Variants in SPECC1 observed in about 807,000 individuals in gnomAD.
SPECC1 encodes the protein cytospin-B.
Under a neutral mutation model 104.1 loss-of-function variants are expected in SPECC1, and 62 were observed. The observed-to-expected ratio is 0.60, with a 90% CI of 0.49 to 0.74. The LOEUF is 0.74. Ranked by LOEUF, SPECC1 falls within the 30% of genes least tolerant of loss-of-function variation. The probability of loss-of-function intolerance (pLI) is 0.00; values close to 1 mark genes in which losing one functional copy is unlikely to be tolerated. For synonymous variants in SPECC1, 513 were observed against 501.6 expected (o/e 1.02, Z -0.30); for missense variants, 1,306 against 1,310.5 (o/e 1.00, Z 0.05).
At chr17:20,236,768 T>C in intron 7 of SPECC1, 1 of 1,527,686 alleles carries the variant, frequency 6.5e-7, no homozygotes, top group Non-Finnish European at 9.0e-7. Flanking sequence ...TGTGGGACAG[T>C]GTAAGCTGGA....
chr17:20,058,202 T>A (rs955683701), intron 1 of SPECC1, among the ~76,000 whole-genome samples: 3 of 152,204 alleles, frequency 2.0e-5, no homozygotes, highest in Admixed American at 1.3e-4. Context: ...TAAATATTCT[T>A]CATTTTAAAT....
chr17:20,116,803 C>CTTTTTTTTTT lies in SPECC1; in HGVS notation c.283+6262_283+6271dup, dbSNP rs58127201. On this transcript the variant is annotated intron_variant, in intron 3 of 14. Transcript: ENST00000395527. ...GGGAACAATTGGCAGTGTCTGGAGA[C>CTTTTTTTTTT]TTTTTTTTTTTTTTTTTTTTTTTTT... is the stretch of plus-strand genomic sequence containing the variant. Among the ~76,000 whole-genome samples the CTTTTTTTTTT allele has an allele frequency of 3.2e-4, 16 of 50,390 alleles. 4 individuals are homozygous for CTTTTTTTTTT. The highest frequency in any genetic ancestry group is 4.8e-4 in the Non-Finnish European group (13 of 26,990). The allele number at this position is 50,390 out of a possible 152,430, so 33.1% of individuals were successfully genotyped here.
At chr17:20,136,833 C>A (rs2030048875) in intron 3 of SPECC1, among the ~76,000 whole-genome samples, 1 of 152,194 alleles carries the variant, frequency 6.6e-6, no homozygotes, top group Non-Finnish European at 1.5e-5. Flanking sequence ...TCAGTGGTTA[C>A]TGATAGCAGT....
chr17:20,230,148 G>A (rs964821791), intron 5 of SPECC1, among the ~76,000 whole-genome samples: 3 of 152,196 alleles, frequency 2.0e-5, no homozygotes, highest in Non-Finnish European at 2.9e-5. Flanking sequence ...AATGCAAATG[G>A]CATTTTAGTT....
chr17:20,215,640 A>G (rs1004346770), intron 4 of SPECC1, among the ~76,000 whole-genome samples: 2 of 152,264 alleles, frequency 1.3e-5, no homozygotes, highest in Admixed American at 6.5e-5. Flanking sequence ...TAGCCAGGGC[A>G]TAATTCTTCA....
chr17:20,016,516 G>A lies in SPECC1; in HGVS notation c.-22+7092G>A, dbSNP rs1263462786. ...CTGTACGCGGTGCTTGCGGGCCAGCGTGAGTTCCCGGTGGGCGTGGGCTTG... is the reference window on the plus strand; with the variant it reads ...CTGTACGCGGTGCTTGCGGGCCAGCATGAGTTCCCGGTGGGCGTGGGCTTG... On this transcript the variant is annotated intron_variant, in intron 1 of 14. Transcript: ENST00000395527. Among the ~76,000 whole-genome samples, 40 of 152,192 alleles carry A rather than the reference G, an allele frequency of 2.6e-4. 1 individual carries two copies. Among genetic ancestry groups the A allele is most frequent in the Non-Finnish European group, 5.9e-5 (4 of 68,022 alleles).
At chr17:20,076,844 G>A (rs959647365) in intron 1 of SPECC1, among the ~76,000 whole-genome samples, 2 of 151,004 alleles carry the variant, frequency 1.3e-5, no homozygotes, top group Non-Finnish European at 2.9e-5. Context: ...GGAAAAAAGA[G>A]TAAGAAAAAC....
chr17:20,039,797 TC>T (rs2045249904), intron 1 of SPECC1, among the ~76,000 whole-genome samples: 1 of 152,140 alleles, frequency 6.6e-6, no homozygotes, highest in Non-Finnish European at 1.5e-5. Context: ...CCTCAGGTGA[TC>T]CACCCGCCTT....
At chr17:20,097,134 C>A (rs2152505913) in intron 2 of SPECC1, among the ~76,000 whole-genome samples, 1 of 152,276 alleles carries the variant, frequency 6.6e-6, no homozygotes, top group East Asian at 1.9e-4. Flanking sequence ...CCCCCACAAT[C>A]CAGTTGTAGT....
intron 1 of SPECC1, among the ~76,000 whole-genome samples, chr17:20,055,815 T>C (rs1051962956): frequency 1.4e-4 from 22 of 152,326 alleles, no homozygotes; most frequent in African/African-American, 5.0e-4. Flanking sequence ...CTCTTTATGT[T>C]AGTCCCACTG....
intron 13 of SPECC1, among the ~76,000 whole-genome samples, chr17:20,298,356 C>T (rs973988361): frequency 2.6e-5 from 4 of 151,986 alleles, no homozygotes; most frequent in African/African-American, 9.7e-5. Flanking sequence ...AACAAACTGG[C>T]ATTGGAAGGT....
At chr17:20,170,488 C>A (rs886159741) in intron 3 of SPECC1, among the ~76,000 whole-genome samples, 1 of 152,142 alleles carries the variant, frequency 6.6e-6, no homozygotes, top group East Asian at 1.9e-4. Context: ...CACACCACTA[C>A]AAAAGTGACC....
At chr17:20,177,484 T>C (rs1436202143) in intron 3 of SPECC1, among the ~76,000 whole-genome samples, 1 of 152,198 alleles carries the variant, frequency 6.6e-6, no homozygotes, top group Non-Finnish European at 1.5e-5. Context: ...TTGACATTTC[T>C]GTGTAGTGTC....
chr17:20,116,782 A>G (rs2048776325), intron 3 of SPECC1, among the ~76,000 whole-genome samples: 1 of 145,988 alleles, frequency 6.8e-6, no homozygotes. Flanking sequence ...AACCCAGGGA[A>G]CAATTGGCAG....
chr17:20,045,549 T>G (rs1016971948), intron 1 of SPECC1, among the ~76,000 whole-genome samples: 26 of 152,196 alleles, frequency 1.7e-4, no homozygotes, highest in Non-Finnish European at 2.8e-4. Flanking sequence ...AAGGTTCTTG[T>G]TATACTCTCT....
intron 1 of SPECC1, among the ~76,000 whole-genome samples, chr17:20,075,886 A>G (rs1414479626): frequency 6.6e-6 from 1 of 152,182 alleles, no homozygotes; most frequent in Non-Finnish European, 1.5e-5. Flanking sequence ...GGTTGAGGCT[A>G]CAGTGAGCTG....
At chr17:20,139,484 A>G (rs1033980464) in intron 3 of SPECC1, among the ~76,000 whole-genome samples, 2 of 152,150 alleles carry the variant, frequency 1.3e-5, no homozygotes, top group African/African-American at 4.8e-5. Context: ...CATTCTCAAC[A>G]TGTCTTAACC....
rs566549027 is a variant in SPECC1, at chr17:20,257,533, C to T, written c.2763C>T (p.Pro921=). Residue 921 remains proline, a synonymous_variant, in exon 11 of 15, where the codon CCC becomes CCT. Coordinates refer to ENST00000395527, the MANE Select transcript of SPECC1 (RefSeq NM_001243439.2). ...KSPSLESLSR[P]PSLGFGDTRL... ...CCTCACTAGAGTCACTGAGCAGACC[C>T]CCGTCTCTGGGCTTTGGGGACACAA... 1 of 1,613,668 alleles carries T rather than the reference C, an allele frequency of 6.2e-7. No homozygotes were observed. Among genetic ancestry groups the T allele is most frequent in the East Asian group, 2.2e-5 (1 of 44,852 alleles).
Position 20,302,084 on chromosome 17 carries a change from C to T in SPECC1, c.3058-3939C>T, listed in dbSNP as rs887237035. ...TTTGCAACTCTCTGCTTAGTCCAGA[C>T]GGACTCAGGTAGTGGACTGGACCTT... is the stretch of plus-strand genomic sequence containing the variant. On this transcript the variant is annotated intron_variant, in intron 13 of 14. Coordinates refer to ENST00000395527, the MANE Select transcript of SPECC1 (RefSeq NM_001243439.2). 2.6e-5 allele frequency among the ~76,000 whole-genome samples: 4 copies of T among 152,346 alleles called. No individual in the cohort carries two copies. In the East Asian group the frequency reaches 5.8e-4, roughly 22 times the overall value.
Sources: gnomAD v4.1 joint callset for allele counts (sites outside exome capture counted in the v4.1 genomes callset) on GRCh38, gnomAD v4.1.1 for gene constraint, MANE v1.5 for transcripts, NCBI Gene and HGNC (gene_info 2026-07-23, HGNC 2026-07-21) for gene names.